The following TP63 variants were observed in gnomAD, a reference collection of about 807,000 sequenced individuals.
TP63 encodes tumor protein p63.
Under a neutral mutation model 82.8 loss-of-function variants are expected in TP63, and 17 were observed. The ratio of observed to expected loss-of-function variants is 0.21; its 90% CI spans 0.14 to 0.31. TP63 has a LOEUF of 0.31. TP63 is among the 10% of genes least tolerant of loss of function. The probability of loss-of-function intolerance (pLI) is 1.00; values close to 1 mark genes in which losing one functional copy is unlikely to be tolerated. For missense variants in TP63, 648 were observed against 895.3 expected (o/e 0.72, Z 3.52); for synonymous variants, 330 against 321.7 (o/e 1.03, Z -0.28).
chr3:189,643,294 C>T (rs926215948), intron 1 of TP63, among the ~76,000 whole-genome samples: 1 of 152,138 alleles, frequency 6.6e-6, no homozygotes, highest in African/African-American at 2.4e-5. Flanking sequence ...AGCCACTGCA[C>T]CCGGCCCCAG....
intron 1 of TP63, among the ~76,000 whole-genome samples, chr3:189,678,481 T>G (rs761385945): frequency 5.3e-5 from 8 of 152,082 alleles, no homozygotes; most frequent in Non-Finnish European, 1.0e-4. Context: ...TTTTGTTTAC[T>G]AAAAACCTTC....
chr3:189,738,774 G>C lies in TP63; in HGVS notation c.324G>C (p.Trp108Cys). 1 of 1,614,004 alleles carries C rather than the reference G, an allele frequency of 6.2e-7. No homozygotes were observed. The highest frequency in any genetic ancestry group is 8.5e-7 in the Non-Finnish European group (1 of 1,179,968). Residue 108 changes from tryptophan (W) to cysteine (C), a missense_variant and splice_region_variant, in exon 3 of 14, where the codon TGG becomes TGC. Trp to Cys is a radical substitution (Grantham distance 215). Around this residue, in one of 5 missense-constraint regions of TP63, gnomAD observed 182 missense variants for 213.6 expected, o/e 0.85. Transcript: ENST00000264731. ...MQDSDLSDPM[W>C]PQYTNLGLLN... ...ACTCGGACCTGAGTGACCCCATGTG[G>C]GTGAGTGGCACAGGCTTTCTCTTCA...
intron 10 of TP63, among the ~76,000 whole-genome samples, chr3:189,883,094 G>A (rs1216288706): frequency 6.6e-6 from 1 of 152,082 alleles, no homozygotes; most frequent in African/African-American, 2.4e-5. Context: ...TACAGGTCCT[G>A]TTATTCTTCT....
chr3:189,859,281 G>C (rs147326393), intron 4 of TP63, among the ~76,000 whole-genome samples: 1 of 152,010 alleles, frequency 6.6e-6, no homozygotes, highest in Non-Finnish European at 1.5e-5. Context: ...AACCTAAAAA[G>C]TGAAATTTCT....
intron 1 of TP63, among the ~76,000 whole-genome samples, chr3:189,684,904 T>C (rs1370169984): frequency 6.6e-6 from 1 of 152,148 alleles, no homozygotes; most frequent in African/African-American, 2.4e-5. Flanking sequence ...AGTGTTGGGA[T>C]TACAGGTGTG....
rs1716556407 is a variant in TP63 at position 189,858,295 on chromosome 3, C to CT, written c.580-5936dup. Reference sequence around the variant, plus strand: ...TGGCGGGCGCCTGTAGTCCCAGCTACTCGGGAGGCTGAGGCAGGAGAATGG... The same window carrying CT: ...TGGCGGGCGCCTGTAGTCCCAGCTACTTCGGGAGGCTGAGGCAGGAGAATGG... On this transcript the variant is annotated intron_variant, in intron 4 of 13. Coordinates refer to ENST00000264731, the MANE Select transcript of TP63 (RefSeq NM_003722.5). Among the ~76,000 whole-genome samples, 3 of 58,420 alleles carry CT rather than the reference C, an allele frequency of 5.1e-5. 1 individual carries two copies. Among genetic ancestry groups the CT allele is most frequent in the African/African-American group, 1.8e-4 (2 of 10,846 alleles). The allele number at this position is 58,420 out of a possible 152,430, so 38.3% of individuals were successfully genotyped here.
In TP63 at chr3:189,892,759, TCCA is replaced by T. The variant is rs1721146614; in HGVS notation, c.1747-1446_1747-1444del. On this transcript the variant is annotated intron_variant, in intron 13 of 13. Coordinates refer to ENST00000264731, the MANE Select transcript of TP63 (RefSeq NM_003722.5). ...GTGAGCCGAGATCACGCCACTGCAC[TCCA>T]GCCTGGGTGAAAGTGCAAGACTCCG... Among the ~76,000 whole-genome samples, 3 of 152,268 alleles carry T rather than the reference TCCA, an allele frequency of 2.0e-5. No individual in the cohort carries two copies. In the East Asian group the frequency reaches 5.8e-4, roughly 29 times the overall value.
the TP63 span, among the ~76,000 whole-genome samples, chr3:189,608,763 C>T: frequency 6.6e-6 from 1 of 151,988 alleles, no homozygotes; most frequent in African/African-American, 2.4e-5. Flanking sequence ...ACACTAAGCC[C>T]CCATTTATTT....
In TP63 at chr3:189,889,499, T is replaced by C. The variant is rs1720800201; in HGVS notation, c.1652+15T>C. 3.1e-6 allele frequency: 5 copies of C among 1,614,040 alleles called. No homozygotes were observed. The highest frequency in any genetic ancestry group is 1.7e-5 in the Admixed American group (1 of 60,008). ...AGCATTGTCAGGTGAGTCCACAGCA[T>C]GTGCCCCTGGGGGCCTGCCCTAAGC... On this transcript the variant is annotated intron_variant, in intron 12 of 13. Coordinates refer to ENST00000264731, the MANE Select transcript of TP63 (RefSeq NM_003722.5).
intron 1 of TP63, among the ~76,000 whole-genome samples, chr3:189,700,166 A>G (rs914468227): frequency 6.6e-6 from 1 of 152,190 alleles, no homozygotes; most frequent in African/African-American, 2.4e-5. Context: ...ATGCCTTCCC[A>G]GAGGCTCCTA....
At chr3:189,613,434 G>T in the TP63 span, among the ~76,000 whole-genome samples, 1 of 152,234 alleles carries the variant, frequency 6.6e-6, no homozygotes, top group African/African-American at 2.4e-5. Context: ...CTAGAGTTCA[G>T]AAGATATATG....
At chr3:189,703,926 A>T (rs1718007613) in intron 1 of TP63, among the ~76,000 whole-genome samples, 1 of 152,192 alleles carries the variant, frequency 6.6e-6, no homozygotes, top group Non-Finnish European at 1.5e-5. Context: ...ACAGTCAGTG[A>T]GATAGCCTCA....
intron 3 of TP63, among the ~76,000 whole-genome samples, chr3:189,743,503 A>AACACACACAC (rs10524434): frequency 2.0e-5 from 3 of 150,764 alleles, no homozygotes; most frequent in African/African-American, 4.9e-5. Flanking sequence ...TACAAACACA[A>AACACACACAC]ACACACACAC....
At chr3:189,842,571 G>C (rs913348105) in intron 4 of TP63, among the ~76,000 whole-genome samples, 2 of 151,924 alleles carry the variant, frequency 1.3e-5, no homozygotes, top group African/African-American at 2.4e-5. Flanking sequence ...GGAATGTCCA[G>C]GTTTGTTTTA....
intron 4 of TP63, among the ~76,000 whole-genome samples, chr3:189,847,532 A>G (rs11927955): frequency 0.02 from 3,061 of 152,238 alleles, 105 homozygotes; most frequent in African/African-American, 0.071. Context: ...GAAGAGGCCA[A>G]TCGTTTTTGA....
chr3:189,873,152 A>G (rs1718643935), intron 10 of TP63, 157 bp downstream of exon 10: 2 of 1,050,314 alleles, frequency 1.9e-6, no homozygotes, highest in Non-Finnish European at 2.9e-6. Flanking sequence ...TTCAGTTGCA[A>G]CCTTTTTTAC....
chr3:189,736,801 A>C (rs780562210), intron 1 of TP63, among the ~76,000 whole-genome samples: 2 of 152,086 alleles, frequency 1.3e-5, no homozygotes, highest in African/African-American at 4.8e-5. Context: ...ATGATTGACT[A>C]TCCTCATACA....
intron 10 of TP63, chr3:189,880,054 C>T: frequency 1.2e-6 from 2 of 1,612,008 alleles, no homozygotes; most frequent in Non-Finnish European, 1.7e-6. Flanking sequence ...TCTCTGGTTC[C>T]TCTCTGCAGT....
In TP63 at chr3:189,896,248, A is replaced by G. The variant is rs1365520712; in HGVS notation, c.*1746A>G. ...TGTGGATTGCCTCTGAAAAGTGTGT[A>G]TATATTTTGTGTGAAATTGCATACT... On this transcript the variant is annotated 3_prime_UTR_variant, in exon 14 of 14. Transcript: ENST00000264731. The G allele has an allele frequency of 4.6e-6, 1 of 219,512 alleles. No homozygotes were observed. The highest frequency in any genetic ancestry group is 6.7e-5 in the East Asian group (1 of 14,916). The allele number at this position is 219,512 out of a possible 1,614,324, so 13.6% of individuals were successfully genotyped here. A position where few individuals can be genotyped will look rare whatever the true frequency, so the allele number is the denominator to read the frequency against.
Sources: allele counts gnomAD v4.1 joint callset (sites outside exome capture counted in the v4.1 genomes callset), GRCh38; gene constraint gnomAD v4.1.1; regional missense constraint gnomAD v4.1.1; transcripts MANE v1.5; gene names NCBI Gene and HGNC (gene_info 2026-07-23, HGNC 2026-07-21).